MEGF11: variants seen among roughly 807,000 people sequenced by gnomAD.
MEGF11 encodes multiple EGF like domains 11.
MEGF11 carries 126 observed loss-of-function variants against 146.6 expected under a neutral mutation model. That is an observed-to-expected ratio of 0.86 (90% CI 0.74 to 1.00). MEGF11 has a LOEUF of 1.00. MEGF11 is among the 50% of genes least tolerant of loss of function. The pLI is 0.00. For synonymous variants in MEGF11, 532 were observed against 583.4 expected, an observed-to-expected ratio of 0.91 and a Z score of 1.27; for missense variants, 1,509 against 1,521.2, an observed-to-expected ratio of 0.99 and a Z score of 0.13.
rs185572839 is a variant in MEGF11, at chr15:66,064,407, C to T, written c.394+29995G>A. Among the ~76,000 whole-genome samples, 250 of 152,256 alleles carry T rather than the reference C, an allele frequency of 1.6e-3. 1 individual carries two copies. The highest frequency in any genetic ancestry group is 5.8e-3 in the African/African-American group (240 of 41,546). On this transcript the variant is annotated intron_variant, in intron 5 of 25. Coordinates refer to ENST00000395614, the MANE Select transcript of MEGF11 (RefSeq NM_001385028.1). ...AAGAAAACGCTGTATCAAACAACTT[C>T]AAATCCCATTAAATAACACATTTTC...
intron 11 of MEGF11, 81 bp downstream of exon 11, chr15:65,930,742 C>T (rs752573301): frequency 7.8e-5 from 115 of 1,471,970 alleles, no homozygotes; most frequent in Non-Finnish European, 1.0e-4. Context: ...GGCAGCCCCA[C>T]CTGAGACCCC....
chr15:66,083,883 C>T (rs2085995963), intron 5 of MEGF11, among the ~76,000 whole-genome samples: 2 of 152,132 alleles, frequency 1.3e-5, no homozygotes, highest in Non-Finnish European at 2.9e-5. Flanking sequence ...TGCCACTGCC[C>T]TCCAGTCGGG....
intron 1 of MEGF11, among the ~76,000 whole-genome samples, chr15:66,242,342 G>A (rs1225690280): frequency 1.3e-5 from 2 of 151,036 alleles, no homozygotes; most frequent in African/African-American, 2.4e-5. Context: ...CTGGGATGTC[G>A]AGGTTGCAGT....
chr15:65,916,917 G>GCGTGGAAGCAGGCGGGGC lies in MEGF11; in HGVS notation c.2108_2125dup (p.Gly703_His708dup). The GCGTGGAAGCAGGCGGGGC allele has an allele frequency of 2.5e-6, 4 of 1,569,490 alleles. No homozygotes were observed. In the South Asian group the frequency reaches 4.7e-5, roughly 18 times the overall value. On this transcript the variant is annotated inframe_insertion, in exon 17 of 26. Coordinates refer to ENST00000395614, the MANE Select transcript of MEGF11 (RefSeq NM_001385028.1). ...GCTCGCCCCGTTGTGGCAGCTGCAT[G>GCGTGGAAGCAGGCGGGGC]CGTGGAAGCAGGCGGGGCCCCAGAA...
intron 4 of MEGF11, among the ~76,000 whole-genome samples, chr15:66,113,452 A>G (rs1461857999): frequency 6.6e-6 from 1 of 152,196 alleles, no homozygotes; most frequent in Non-Finnish European, 1.5e-5. Context: ...ATGTCGACCA[A>G]AAGGAAACAG....
chr15:66,031,609 T>G (rs2083522802), intron 5 of MEGF11, among the ~76,000 whole-genome samples: 1 of 151,484 alleles, frequency 6.6e-6, no homozygotes, highest in South Asian at 2.1e-4. Flanking sequence ...TGAGGAAGAG[T>G]GGTGGAGAGG....
At chr15:66,216,807 G>A (rs987431481) in intron 1 of MEGF11, among the ~76,000 whole-genome samples, 1 of 152,218 alleles carries the variant, frequency 6.6e-6, no homozygotes, top group Non-Finnish European at 1.5e-5. Flanking sequence ...CCCCCTTCAG[G>A]ACTGAGGCAC....
At chr15:66,107,558 C>T (rs2087153798) in intron 4 of MEGF11, among the ~76,000 whole-genome samples, 3 of 152,198 alleles carry the variant, frequency 2.0e-5, no homozygotes, top group African/African-American at 7.2e-5. Flanking sequence ...TCAGTCCCCA[C>T]AGAGCCCCAG....
rs1053862188 is a variant in MEGF11, at chr15:65,915,595, C to T, written c.2348G>A (p.Cys783Tyr). The change falls in exon 19 of 26, where the codon TGT (cysteine) becomes TAT (tyrosine). Residue 783 changes from cysteine (C) to tyrosine (Y), a missense_variant. Cys to Tyr is a radical substitution (Grantham distance 194). Coordinates refer to ENST00000395614, the MANE Select transcript of MEGF11 (RefSeq NM_001385028.1). Reference sequence around the variant, plus strand: ...CCCATAGCCAAAGGTTCCTGGGGCACATCCTGTGTGGCACAAAGAGTTAGG... The same window carrying T: ...CCCATAGCCAAAGGTTCCTGGGGCATATCCTGTGTGGCACAAAGAGTTAGG... ...GFTGQHCEQRCAPGTFGYGCQ... is the reference protein window; with the variant it reads ...GFTGQHCEQRYAPGTFGYGCQ... 2 of 1,613,820 alleles carry T rather than the reference C, an allele frequency of 1.2e-6. No homozygotes were observed. The highest frequency in any genetic ancestry group is 1.7e-6 in the Non-Finnish European group (2 of 1,179,764).
intron 16 of MEGF11, 48 bp from the exon 17 acceptor site, chr15:65,917,004 C>A: frequency 1.4e-6 from 2 of 1,442,400 alleles, no homozygotes; most frequent in Non-Finnish European, 1.8e-6. Context: ...CAGAGAGGGG[C>A]AGACGGAGAG....
At position 66,140,531 on chromosome 15, in the gene MEGF11, G is replaced by A. The variant is rs544197452; in HGVS notation, c.-8-12120C>T. Reference sequence around the variant, plus strand: ...AATCACCCTATGTAGAAGGCAGGACGCTTGCACCAAGTCCAAACCATGCTT... The same window carrying A: ...AATCACCCTATGTAGAAGGCAGGACACTTGCACCAAGTCCAAACCATGCTT... On this transcript the variant is annotated intron_variant, in intron 1 of 25. Coordinates refer to ENST00000395614, the MANE Select transcript of MEGF11 (RefSeq NM_001385028.1). 3.9e-5 allele frequency among the ~76,000 whole-genome samples: 6 copies of A among 152,286 alleles called. No individual in the cohort carries two copies. In the South Asian group the frequency reaches 6.2e-4, roughly 16 times the overall value.
chr15:66,178,947 G>C (rs2090465964), intron 1 of MEGF11, among the ~76,000 whole-genome samples: 2 of 152,152 alleles, frequency 1.3e-5, no homozygotes, highest in Admixed American at 6.5e-5. Context: ...CACACATGCT[G>C]AAAACTTATT....
At position 65,922,464 on chromosome 15, in the gene MEGF11, G is replaced by A; in HGVS notation, c.1831C>T (p.Pro611Ser). 1.9e-6 allele frequency: 3 copies of A among 1,573,244 alleles called. No homozygotes were observed. Among genetic ancestry groups the A allele is most frequent in the Non-Finnish European group, 1.7e-6 (2 of 1,159,852 alleles). The change falls in exon 15 of 26, where the codon CCT (proline) becomes TCT (serine). Residue 611 changes from proline to serine, a missense_variant. Transcript: ENST00000395614. ...GCGCAGCCGTGGCCATAGAACCCAG[G>A]GGGGCAGACTGAGGGTGAAGGGAAG... ...RGPLCQRICP[P>S]GFYGHGCAQP...
chr15:66,014,639 G>A (rs1357858763), intron 5 of MEGF11, among the ~76,000 whole-genome samples: 1 of 152,142 alleles, frequency 6.6e-6, no homozygotes, highest in Non-Finnish European at 1.5e-5. Context: ...TCCTGGGGAG[G>A]CAACTCCAGG....
intron 1 of MEGF11, among the ~76,000 whole-genome samples, chr15:66,185,903 G>T (rs73471968): frequency 0.019 from 2,933 of 152,280 alleles, 108 homozygotes; most frequent in African/African-American, 0.068. Flanking sequence ...AGTTCAGAGG[G>T]TCTGGAGCTC....
intron 5 of MEGF11, among the ~76,000 whole-genome samples, chr15:66,052,254 G>A (rs780409906): frequency 1.3e-4 from 20 of 152,120 alleles, no homozygotes; most frequent in Non-Finnish European, 2.4e-4. Flanking sequence ...GGGGGTGGGG[G>A]GCAAGGTGTT....
intron 1 of MEGF11, among the ~76,000 whole-genome samples, chr15:66,215,631 G>A (rs571326297): frequency 1.5e-4 from 23 of 152,318 alleles, no homozygotes; most frequent in African/African-American, 5.5e-4. Flanking sequence ...CAAAAATGAG[G>A]CATCAGCACA....
intron 1 of MEGF11, among the ~76,000 whole-genome samples, chr15:66,150,611 T>C (rs1394493385): frequency 7.7e-5 from 6 of 77,816 alleles, no homozygotes; most frequent in African/African-American, 2.1e-4. Context: ...GAAAGACTTA[T>C]TAGTGGAAGG....
At position 66,174,942 on chromosome 15, in the gene MEGF11, A is replaced by G. The variant is rs1597135787; in HGVS notation, c.-8-46531T>C. Among the ~76,000 whole-genome samples the G allele has an allele frequency of 3.9e-5, 6 of 152,202 alleles. No individual in the cohort carries two copies. In the South Asian group the frequency reaches 1.2e-3, roughly 32 times the overall value. On this transcript the variant is annotated intron_variant, in intron 1 of 25. Coordinates refer to ENST00000395614, the MANE Select transcript of MEGF11 (RefSeq NM_001385028.1). ...CATTTCCTTATTAAATTTGCTCCTA[A>G]GTATTTTTTTGTAGCAATTGTAAAT...
Sources: gnomAD v4.1 joint callset for allele counts (sites outside exome capture counted in the v4.1 genomes callset) on GRCh38, gnomAD v4.1.1 for gene constraint, MANE v1.5 for transcripts, NCBI Gene and HGNC (gene_info 2026-07-23, HGNC 2026-07-21) for gene names.